Variants in NEK1 observed in about 807,000 individuals in gnomAD.
NEK1 encodes serine/threonine-protein kinase Nek1.
NEK1 carries 137 observed loss-of-function variants against 182.1 expected under a neutral mutation model. The observed-to-expected ratio is 0.75, with a 90% CI of 0.65 to 0.87. The LOEUF is 0.87. Among genes scored for constraint, NEK1 ranks in the 40% least tolerant of loss-of-function variants. The probability of loss-of-function intolerance (pLI) is 0.00; values close to 1 mark genes in which losing one functional copy is unlikely to be tolerated. For missense variants in NEK1, 1,391 were observed against 1,494.4 expected (o/e 0.93, Z 1.14); for synonymous variants, 513 against 492.2 (o/e 1.04, Z -0.56).
chr4:169,431,759 T>A (rs1737485846), intron 29 of NEK1, among the ~76,000 whole-genome samples: 1 of 147,484 alleles, frequency 6.8e-6, no homozygotes, highest in South Asian at 2.1e-4. Context: ...TTAGACTCCG[T>A]CTCCACCAAA....
intron 27 of NEK1, among the ~76,000 whole-genome samples, chr4:169,439,006 T>TC (rs1430496571): frequency 6.6e-6 from 1 of 152,122 alleles, no homozygotes; most frequent in African/African-American, 2.4e-5. Flanking sequence ...CCTCTACAAC[T>TC]CCAACTCTAA....
intron 23 of NEK1, among the ~76,000 whole-genome samples, chr4:169,490,380 T>C (rs1749836123): frequency 6.6e-6 from 1 of 151,996 alleles, no homozygotes; most frequent in African/African-American, 2.4e-5. Context: ...AGGTCACTGA[T>C]CCACTAGATG....
intron 5 of NEK1, among the ~76,000 whole-genome samples, chr4:169,597,240 C>A (rs1400021272): frequency 6.6e-6 from 1 of 152,106 alleles, no homozygotes; most frequent in African/African-American, 2.4e-5. Flanking sequence ...TCCCTATTAA[C>A]AAATGAGAAA....
At chr4:169,478,916 T>C (rs964484680) in intron 24 of NEK1, among the ~76,000 whole-genome samples, 3 of 152,140 alleles carry the variant, frequency 2.0e-5, no homozygotes, top group Non-Finnish European at 4.4e-5. Flanking sequence ...ATGACAGAGA[T>C]TCAGAAGTAG....
intron 27 of NEK1, among the ~76,000 whole-genome samples, chr4:169,439,700 A>G (rs181244476): frequency 6.6e-6 from 1 of 152,310 alleles, no homozygotes; most frequent in Admixed American, 6.5e-5. Context: ...CACTGATGAT[A>G]AATCTGCACA....
In NEK1 at chr4:169,400,513, T is replaced by C. The variant is rs1372079339; in HGVS notation, c.3714+8A>G. The C allele has an allele frequency of 6.3e-7, 1 of 1,594,704 alleles. No homozygotes were observed. The highest frequency in any genetic ancestry group is 8.5e-7 in the Non-Finnish European group (1 of 1,173,250). On this transcript the variant is annotated splice_region_variant and intron_variant, in intron 34 of 35. Transcript: ENST00000507142. The stretch of plus-strand genomic sequence containing the variant: ...CATTTTAAGTGTTTTAATTGACTTT[T>C]CACTTACCTTTATTTTCTCATAAAC...
At chr4:169,470,303 GCT>G (rs1013839595) in intron 26 of NEK1, among the ~76,000 whole-genome samples, 1 of 152,110 alleles carries the variant, frequency 6.6e-6, no homozygotes, top group African/African-American at 2.4e-5. Flanking sequence ...TCCTTCATGA[GCT>G]CTTATAAGGC....
intron 27 of NEK1, among the ~76,000 whole-genome samples, chr4:169,438,731 T>C (rs1232246519): frequency 6.6e-6 from 1 of 152,202 alleles, no homozygotes; most frequent in Non-Finnish European, 1.5e-5. Flanking sequence ...TATTAATCCG[T>C]TGAAGATTTT....
At chr4:169,460,810 G>GA (rs1003795180) in intron 27 of NEK1, among the ~76,000 whole-genome samples, 2 of 151,630 alleles carry the variant, frequency 1.3e-5, no homozygotes, top group Admixed American at 6.6e-5. Context: ...GACAGTCAAG[G>GA]AAAAAAAAGT....
intron 23 of NEK1, among the ~76,000 whole-genome samples, chr4:169,504,659 C>T (rs890070636): frequency 2.0e-5 from 3 of 152,042 alleles, no homozygotes; most frequent in Admixed American, 1.3e-4. Flanking sequence ...CACGTTTTCA[C>T]TTATTTGTGG....
At position 169,587,544 on chromosome 4, in the gene NEK1, G is replaced by T; in HGVS notation, c.606+15C>A. 1 of 1,411,012 alleles carries T rather than the reference G, an allele frequency of 7.1e-7. No individual in the cohort carries two copies. The highest frequency in any genetic ancestry group is 9.5e-7 in the Non-Finnish European group (1 of 1,047,864). 87.4% of individuals were successfully genotyped at this position (1,411,012 alleles called of 1,614,324 possible). A position where few individuals can be genotyped will look rare whatever the true frequency, so the allele number is the denominator to read the frequency against. On this transcript the variant is annotated intron_variant, in intron 9 of 35. Coordinates refer to ENST00000507142, the MANE Select transcript of NEK1 (RefSeq NM_001199397.3). Reference sequence around the variant, plus strand: ...TTAACATAACTTTGAAAGTATTTCAGAAACTTCTACTTACAGCATGTTTAA... The same window carrying T: ...TTAACATAACTTTGAAAGTATTTCATAAACTTCTACTTACAGCATGTTTAA...
At chr4:169,459,845 G>C (rs1203071385) in intron 27 of NEK1, among the ~76,000 whole-genome samples, 2 of 152,162 alleles carry the variant, frequency 1.3e-5, no homozygotes, top group Non-Finnish European at 2.9e-5. Context: ...TATGGAGATA[G>C]TAAAATAATC....
At chr4:169,448,215 A>G (rs72973034) in intron 27 of NEK1, among the ~76,000 whole-genome samples, 16,898 of 152,090 alleles carry the variant, frequency 0.11, 1,021 homozygotes, top group East Asian at 0.17. Flanking sequence ...TGACAGAGTG[A>G]GTCCCTGTCT....
intron 27 of NEK1, among the ~76,000 whole-genome samples, chr4:169,439,656 T>C (rs1164868675): frequency 6.6e-6 from 1 of 152,036 alleles, no homozygotes; most frequent in Non-Finnish European, 1.5e-5. Context: ...GAATAGGAAA[T>C]AATCAAAATA....
intron 19 of NEK1, among the ~76,000 whole-genome samples, chr4:169,511,584 CA>C (rs1424882307): frequency 1.3e-5 from 2 of 152,014 alleles, no homozygotes; most frequent in African/African-American, 2.4e-5. Context: ...CAGCCTTTCC[CA>C]AATTTCTCAT....
chr4:169,498,228 C>T (rs576357385), intron 23 of NEK1, among the ~76,000 whole-genome samples: 2 of 152,186 alleles, frequency 1.3e-5, no homozygotes, highest in East Asian at 3.9e-4. Context: ...GATTGCAACC[C>T]CTGCCTTTTT....
chr4:169,515,462 G>A (rs1420009442), intron 19 of NEK1, among the ~76,000 whole-genome samples: 2 of 150,334 alleles, frequency 1.3e-5, no homozygotes, highest in African/African-American at 2.4e-5. Context: ...TTAAAGTATG[G>A]TTATTTGGTG....
intron 29 of NEK1, among the ~76,000 whole-genome samples, chr4:169,431,499 G>A (rs2149404286): frequency 7.2e-6 from 1 of 138,780 alleles, no homozygotes; most frequent in East Asian, 2.1e-4. Flanking sequence ...TTAATTAAAA[G>A]TATGTACTAG....
At position 169,477,444 on chromosome 4, in the gene NEK1, G is replaced by A. The variant is rs2149550010; in HGVS notation, c.2193C>T (p.Asn731=). 6.2e-7 allele frequency: 1 copy of A among 1,606,158 alleles called. No individual in the cohort carries two copies. ...RETSEEMQKT[N]NAISSKREIL... ...AAATTTTACTTACTGAAATAGCATT[G>A]TTGGTCTTTTGCATCTCTTCTGAAG... Residue 731 remains asparagine, a synonymous_variant, in exon 25 of 36, where the codon AAC becomes AAT. Coordinates refer to ENST00000507142, the MANE Select transcript of NEK1 (RefSeq NM_001199397.3).
Sources: gnomAD v4.1 joint callset for allele counts (sites outside exome capture counted in the v4.1 genomes callset) on GRCh38, gnomAD v4.1.1 for gene constraint, MANE v1.5 for transcripts, NCBI Gene and HGNC (gene_info 2026-07-23, HGNC 2026-07-21) for gene names.